PLXNA4: variants seen among roughly 807,000 people sequenced by gnomAD.
PLXNA4 encodes the protein plexin A4, also known as plexin-A4.
PLXNA4 carries 44 observed loss-of-function variants against 191.8 expected under a neutral mutation model. That is an observed-to-expected ratio of 0.23 (90% CI 0.18 to 0.29). PLXNA4 has a LOEUF of 0.29. PLXNA4 is among the 10% of genes least tolerant of loss of function. The pLI is 1.00. For synonymous variants in PLXNA4, 1,082 were observed against 1,009.5 expected (o/e 1.07, Z -1.36); for missense variants, 1,800 against 2,488.8 (o/e 0.72, Z 5.89).
At chr7:132,394,415 T>G (rs1292218975) in intron 3 of PLXNA4, among the ~76,000 whole-genome samples, 2 of 152,216 alleles carry the variant, frequency 1.3e-5, no homozygotes, top group East Asian at 3.9e-4. Flanking sequence ...GAACCTGGGT[T>G]CTAGTCCCAG....
At chr7:132,362,694 A>G (rs1171927872) in intron 3 of PLXNA4, among the ~76,000 whole-genome samples, 1 of 152,234 alleles carries the variant, frequency 6.6e-6, no homozygotes, top group Non-Finnish European at 1.5e-5. Flanking sequence ...TACACTTAAA[A>G]GAACACTTGA....
At chr7:132,400,318 G>C (rs1793933622) in intron 3 of PLXNA4, among the ~76,000 whole-genome samples, 2 of 152,122 alleles carry the variant, frequency 1.3e-5, no homozygotes, top group Non-Finnish European at 2.9e-5. Context: ...ATATTTTCCT[G>C]TCCTCTCTGT....
chr7:132,594,924 T>C (rs1421145749), intron 2 of PLXNA4, among the ~76,000 whole-genome samples: 5 of 78,716 alleles, frequency 6.4e-5, no homozygotes, highest in Non-Finnish European at 1.2e-4. Context: ...GATAGATAGA[T>C]AGATAGATAG....
chr7:132,339,333 A>G (rs1490320830), intron 3 of PLXNA4, among the ~76,000 whole-genome samples: 3 of 152,178 alleles, frequency 2.0e-5, no homozygotes, highest in Non-Finnish European at 4.4e-5. Flanking sequence ...CCCCCATCTA[A>G]TGTTTCTTAC....
chr7:132,242,131 T>G (rs1314996334), intron 4 of PLXNA4, among the ~76,000 whole-genome samples: 1 of 150,888 alleles, frequency 6.6e-6, no homozygotes, highest in African/African-American at 2.5e-5. Flanking sequence ...GTTTTGCCGG[T>G]TTTTTTCTTT....
chr7:132,564,131 T>G (rs148802725), intron 1 of PLXNA4, among the ~76,000 whole-genome samples: 67,733 of 68,684 alleles, frequency 0.99, 33,395 homozygotes, highest in Admixed American at 0.99. Context: ...TTCTTTCTCC[T>G]CCTCCTTCTC....
chr7:132,444,164 G>A (rs1408651683), intron 3 of PLXNA4, among the ~76,000 whole-genome samples: 1 of 152,222 alleles, frequency 6.6e-6, no homozygotes, highest in African/African-American at 2.4e-5. Flanking sequence ...ACTTACTCCT[G>A]TCCTTCAAAT....
upstream of PLXNA4, among the ~76,000 whole-genome samples, chr7:132,580,879 T>TA (rs1207505656): frequency 1.3e-5 from 2 of 152,028 alleles, no homozygotes; most frequent in Non-Finnish European, 2.9e-5. Context: ...GTCAGCAGCT[T>TA]AAAAACCTAA....
chr7:132,227,453 T>C lies in PLXNA4; in HGVS notation c.1880A>G (p.Asn627Ser), dbSNP rs1798366758. Reference protein sequence around the residue: ...AKEVPRIITENGDHHVVQLQL... With the variant: ...AKEVPRIITESGDHHVVQLQL... ...AGCTGTGCCTCCGGGATGCTCACCA[T>C]TCTCTGTGATGATCCGGGGCACCTC... The change falls in exon 7 of 32, where the codon AAT becomes AGT. Residue 627 changes from asparagine to serine, a missense_variant and splice_region_variant. This residue lies in a region of PLXNA4 where 1,397 missense variants were observed against 1,880.4 expected (regional missense o/e 0.74). Transcript: ENST00000321063. The C allele has an allele frequency of 4.3e-6, 7 of 1,614,154 alleles. No homozygotes were observed. Among genetic ancestry groups the C allele is most frequent in the Non-Finnish European group, 5.9e-6 (7 of 1,180,036 alleles).
chr7:132,498,306 A>G (rs1798109473), intron 2 of PLXNA4, among the ~76,000 whole-genome samples: 1 of 152,150 alleles, frequency 6.6e-6, no homozygotes, highest in Non-Finnish European at 1.5e-5. Context: ...GACATACTGG[A>G]GACTTGGAAG....
chr7:132,253,527 G>C (rs552403801), intron 4 of PLXNA4, among the ~76,000 whole-genome samples: 3 of 152,150 alleles, frequency 2.0e-5, no homozygotes, highest in Middle Eastern at 3.4e-3. Flanking sequence ...TTACAGTCAT[G>C]AGCCACCATG....
chr7:132,214,548 C>A (rs1013240360), intron 9 of PLXNA4, among the ~76,000 whole-genome samples: 2 of 152,114 alleles, frequency 1.3e-5, no homozygotes, highest in African/African-American at 4.8e-5. Context: ...CACCACCCTG[C>A]CCCTTCCTCC....
At chr7:132,330,234 G>C (rs1802538430) in intron 3 of PLXNA4, among the ~76,000 whole-genome samples, 1 of 152,198 alleles carries the variant, frequency 6.6e-6, no homozygotes, top group Non-Finnish European at 1.5e-5. Flanking sequence ...GGCTGGAGCT[G>C]AGTAGGGACA....
At chr7:132,445,204 C>G (rs77308724) in intron 3 of PLXNA4, among the ~76,000 whole-genome samples, 1,606 of 149,742 alleles carry the variant, frequency 0.011, 15 homozygotes, top group Middle Eastern at 0.045. Flanking sequence ...CATGAACTTC[C>G]TGGCTTAGCC....
intron 3 of PLXNA4, among the ~76,000 whole-genome samples, chr7:132,453,016 C>T (rs982797376): frequency 6.6e-6 from 1 of 152,228 alleles, no homozygotes; most frequent in Admixed American, 6.5e-5. Context: ...GGGGTCACTG[C>T]AGGCAACAGT....
At chr7:132,225,624 C>A (rs902699921) in intron 8 of PLXNA4, among the ~76,000 whole-genome samples, 1 of 151,476 alleles carries the variant, frequency 6.6e-6, no homozygotes, top group Admixed American at 6.6e-5. Context: ...CCGCCCCCCC[C>A]CACAGCTTTC....
rs567555440 is a variant in PLXNA4, at chr7:132,166,596, G to T, written c.4287-1396C>A. Among the ~76,000 whole-genome samples the T allele has an allele frequency of 6.6e-5, 10 of 152,006 alleles. No individual in the cohort carries two copies. The South Asian group carries it at 2.1e-3, about 32-fold the overall frequency. Reference sequence around the variant, plus strand: ...TGGGAGGCTGCCGGCACAAAATGAAGCTGGTAAGAGAAAAGAAGAAGGAAC... The same window carrying T: ...TGGGAGGCTGCCGGCACAAAATGAATCTGGTAAGAGAAAAGAAGAAGGAAC... On this transcript the variant is annotated intron_variant, in intron 22 of 31. Transcript: ENST00000321063.
intron 4 of PLXNA4, among the ~76,000 whole-genome samples, chr7:132,277,496 T>C (rs2116370749): frequency 6.6e-6 from 1 of 152,270 alleles, no homozygotes; most frequent in South Asian, 2.1e-4. Context: ...GGACACAGGC[T>C]TTGAATCACG....
intron 4 of PLXNA4, among the ~76,000 whole-genome samples, chr7:132,257,464 C>T (rs1799472995): frequency 6.6e-6 from 1 of 152,192 alleles, no homozygotes; most frequent in Admixed American, 6.5e-5. Flanking sequence ...TGGCCAAACC[C>T]AGCAGGGGCT....
Sources: allele counts gnomAD v4.1 joint callset (sites outside exome capture counted in the v4.1 genomes callset), GRCh38; gene constraint gnomAD v4.1.1; regional missense constraint gnomAD v4.1.1; transcripts MANE v1.5; gene names NCBI Gene and HGNC (gene_info 2026-07-23, HGNC 2026-07-21).